Variants in RNGTT observed in about 807,000 individuals in gnomAD.
RNGTT encodes RNA guanylyltransferase and 5'-phosphatase.
In RNGTT, 33 loss-of-function variants were observed where a neutral mutation model predicts 79.3. The ratio of observed to expected loss-of-function variants is 0.42; its 90% CI spans 0.32 to 0.56. The LOEUF (loss-of-function observed/expected upper bound fraction) is 0.56, where lower values mean the gene tolerates loss of function less well. Among genes scored for constraint, RNGTT ranks in the 20% least tolerant of loss-of-function variants. The pLI is 0.17. For missense variants in RNGTT, 497 were observed against 739.1 expected (o/e 0.67, Z 3.80); for synonymous variants, 222 against 235.9 (o/e 0.94, Z 0.54).
At chr6:88,747,481 G>A (rs1777699560) in intron 13 of RNGTT, among the ~76,000 whole-genome samples, 1 of 152,130 alleles carries the variant, frequency 6.6e-6, no homozygotes, top group Admixed American at 6.5e-5. Context: ...ATACTACTGT[G>A]GTAGAAGCGA....
chr6:88,779,912 T>C (rs912361363), intron 12 of RNGTT, among the ~76,000 whole-genome samples: 2 of 152,134 alleles, frequency 1.3e-5, no homozygotes, highest in African/African-American at 4.8e-5. Flanking sequence ...GAAAATTGCT[T>C]GAACCTGAAA....
chr6:88,626,100 G>T (rs922794870), intron 14 of RNGTT, among the ~76,000 whole-genome samples: 5 of 151,958 alleles, frequency 3.3e-5, no homozygotes, highest in Admixed American at 6.6e-5. Flanking sequence ...AGGCATAGAG[G>T]AGTTATATAA....
At chr6:88,736,828 A>G (rs1423513155) in intron 13 of RNGTT, among the ~76,000 whole-genome samples, 1 of 152,230 alleles carries the variant, frequency 6.6e-6, no homozygotes, top group Non-Finnish European at 1.5e-5. Context: ...ACATACAACC[A>G]TCAGGTGGTG....
At chr6:88,677,832 T>C (rs1371400264) in intron 14 of RNGTT, among the ~76,000 whole-genome samples, 1 of 152,140 alleles carries the variant, frequency 6.6e-6, no homozygotes, top group Non-Finnish European at 1.5e-5. Flanking sequence ...TCTCTAAATG[T>C]ACTCTTCTAA....
intron 13 of RNGTT, among the ~76,000 whole-genome samples, chr6:88,716,368 G>A (rs36136035): frequency 0.12 from 17,906 of 151,946 alleles, 1,165 homozygotes; most frequent in Middle Eastern, 0.23. Flanking sequence ...CACTGTTGGT[G>A]GGACTGTAAA....
intron 12 of RNGTT, among the ~76,000 whole-genome samples, chr6:88,801,196 T>C (rs758655322): frequency 4.6e-5 from 7 of 152,212 alleles, no homozygotes; most frequent in Non-Finnish European, 1.0e-4. Context: ...GAGAGATTAA[T>C]ACATAAAAGT....
chr6:88,937,822 A>C (rs764077247), intron 2 of RNGTT, among the ~76,000 whole-genome samples: 1 of 152,106 alleles, frequency 6.6e-6, no homozygotes, highest in Non-Finnish European at 1.5e-5. Context: ...AGCATGTTTA[A>C]TTTCCATGTA....
intron 5 of RNGTT, among the ~76,000 whole-genome samples, chr6:88,905,760 T>C (rs895922092): frequency 6.6e-6 from 1 of 152,172 alleles, no homozygotes; most frequent in Non-Finnish European, 1.5e-5. Context: ...AGAATCTGTC[T>C]CTGATAATTC....
At chr6:88,872,184 G>A (rs369669211) in intron 8 of RNGTT, among the ~76,000 whole-genome samples, 1 of 152,000 alleles carries the variant, frequency 6.6e-6, no homozygotes. Context: ...GCTAATCTAT[G>A]TTTTGTCAGT....
Position 88,773,194 on chromosome 6 carries a change from A to G in RNGTT, c.1339-3320T>C, listed in dbSNP as rs1778751230. 2.6e-5 allele frequency among the ~76,000 whole-genome samples: 4 copies of G among 151,156 alleles called. No individual in the cohort carries two copies. In the South Asian group the frequency reaches 6.3e-4, roughly 24 times the overall value. ...AGGGACATGGATGAAATTGGAAATC[A>G]TCATTCTCAGTAAACTATCGCAAGA... On this transcript the variant is annotated intron_variant, in intron 12 of 15. Transcript: ENST00000369485.
intron 4 of RNGTT, among the ~76,000 whole-genome samples, chr6:88,908,913 TCTGCTGGCAGC>T (rs1229429876): frequency 1.3e-5 from 2 of 151,078 alleles, no homozygotes; most frequent in Non-Finnish European, 3.0e-5. Context: ...GCCTGAGTGT[TCTGCTGGCAGC>T]CTGCTGGCTG....
intron 14 of RNGTT, among the ~76,000 whole-genome samples, chr6:88,649,288 T>C (rs894569505): frequency 5.3e-5 from 8 of 152,076 alleles, no homozygotes; most frequent in African/African-American, 1.9e-4. Context: ...GAAGTGGGTG[T>C]TAGGTAAAAT....
chr6:88,813,635 A>C (rs140946038), intron 11 of RNGTT, among the ~76,000 whole-genome samples: 2 of 152,332 alleles, frequency 1.3e-5, no homozygotes, highest in African/African-American at 4.8e-5. Context: ...AGGTGAAGTT[A>C]AGAACTTGCC....
At chr6:88,748,686 T>C (rs1777745741) in intron 13 of RNGTT, among the ~76,000 whole-genome samples, 1 of 151,958 alleles carries the variant, frequency 6.6e-6, no homozygotes, top group African/African-American at 2.4e-5. Context: ...TATCACAAGC[T>C]CCTAAAATAG....
chr6:88,635,358 G>GGAATA (rs1471898581), intron 14 of RNGTT, among the ~76,000 whole-genome samples: 1 of 152,032 alleles, frequency 6.6e-6, no homozygotes, highest in African/African-American at 2.4e-5. Flanking sequence ...TTTACACAGA[G>GGAATA]GAATAAATCA....
chr6:88,639,843 T>C (rs1773241843), intron 14 of RNGTT, among the ~76,000 whole-genome samples: 1 of 152,186 alleles, frequency 6.6e-6, no homozygotes, highest in Admixed American at 6.5e-5. Flanking sequence ...AATTTATTCA[T>C]TTGTTTTCTC....
In RNGTT at chr6:88,704,276, A is replaced by AAAAAC. The variant is rs1562206092; in HGVS notation, c.1440-25858_1440-25857insGTTTT. 2.7e-5 allele frequency among the ~76,000 whole-genome samples: 4 copies of AAAAAC among 147,570 alleles called. 1 individual carries two copies. The highest frequency in any genetic ancestry group is 1.0e-4 in the African/African-American group (4 of 38,280). On this transcript the variant is annotated intron_variant, in intron 13 of 15. Transcript: ENST00000369485. ...CTCTGTCTCAAAAAAAAAAAAAAAAAAAAAAAAAAAGACAGACTTCAATCC... is the reference window on the plus strand; with the variant it reads ...CTCTGTCTCAAAAAAAAAAAAAAAAAAAAACAAAAAAAAAAGACAGACTTCAATCC...
chr6:88,786,339 A>G (rs1378681985), intron 12 of RNGTT, among the ~76,000 whole-genome samples: 2 of 152,228 alleles, frequency 1.3e-5, no homozygotes, highest in Non-Finnish European at 1.5e-5. Context: ...TAGTAAACAA[A>G]TAAGATTTCA....
chr6:88,949,230 C>A (rs1219646207), intron 1 of RNGTT, among the ~76,000 whole-genome samples: 87 of 117,974 alleles, frequency 7.4e-4, no homozygotes, highest in African/African-American at 2.6e-3. Context: ...AGTGAACACA[C>A]AAATGATAAA....
Sources: gnomAD v4.1 joint callset for allele counts (sites outside exome capture counted in the v4.1 genomes callset) on GRCh38, gnomAD v4.1.1 for gene constraint, MANE v1.5 for transcripts, NCBI Gene and HGNC (gene_info 2026-07-23, HGNC 2026-07-21) for gene names.